The following PTPRD variants were observed in gnomAD, a reference collection of about 807,000 sequenced individuals.
The protein encoded by PTPRD is receptor-type tyrosine-protein phosphatase delta.
A neutral mutation model predicts 214.5 loss-of-function variants in PTPRD; 34 were observed. The ratio of observed to expected loss-of-function variants is 0.16; its 90% CI spans 0.12 to 0.21. PTPRD has a LOEUF of 0.21. Among genes scored for constraint, PTPRD ranks in the 10% least tolerant of loss-of-function variants. The pLI is 1.00. For synonymous variants in PTPRD, 1,128 were observed against 845.7 expected (o/e 1.33, Z -5.79); for missense variants, 2,545 against 2,398.7 (o/e 1.06, Z -1.27).
chr9:9,527,842 G>A lies in PTPRD; in HGVS notation c.-237+46890C>T, dbSNP rs116479038. 4.4e-3 allele frequency among the ~76,000 whole-genome samples: 673 copies of A among 152,184 alleles called. 4 individuals carry two copies. The highest frequency in any genetic ancestry group is 0.015 in the African/African-American group (640 of 41,540). On this transcript the variant is annotated intron_variant, in intron 8 of 45. Coordinates refer to ENST00000381196, the MANE Select transcript of PTPRD (RefSeq NM_002839.4). ...TGTTGCTAGATATTCTACCAACTCC[G>A]TAAACTCAGCATGTTAGATCAGAAA... is the stretch of plus-strand genomic sequence containing the variant.
intron 14 of PTPRD, among the ~76,000 whole-genome samples, chr9:8,582,136 A>T (rs1227837349): frequency 6.6e-6 from 1 of 152,130 alleles, no homozygotes; most frequent in Non-Finnish European, 1.5e-5. Context: ...TAAGTAGGGA[A>T]ATCTGCTATG....
In PTPRD at chr9:8,528,670, A is replaced by T. The variant is rs2139466040; in HGVS notation, c.462T>A (p.Asp154Glu). The T allele has an allele frequency of 1.2e-6, 2 of 1,613,742 alleles. No individual in the cohort carries two copies. Among genetic ancestry groups the T allele is most frequent in the Non-Finnish European group, 1.7e-6 (2 of 1,179,774 alleles). Residue 154 changes from aspartate (D) to glutamate (E), a missense_variant, in exon 15 of 46, where the codon GAT becomes GAA. Transcript: ENST00000381196. ...AATCTTTAAACCAAGTGATTTCTGG[A>T]TCCGGATTACCACTGGCTGCACAAA... Reference protein sequence around the residue: ...TMLCAASGNPDPEITWFKDFL... With the variant: ...TMLCAASGNPEPEITWFKDFL...
intron 8 of PTPRD, among the ~76,000 whole-genome samples, chr9:9,455,288 T>C (rs1466905156): frequency 6.6e-6 from 1 of 151,568 alleles, no homozygotes; most frequent in African/African-American, 2.4e-5. Context: ...TTTTTTAAAA[T>C]ATTAATTTTT....
chr9:8,548,159 A>G (rs1186156100), intron 14 of PTPRD, among the ~76,000 whole-genome samples: 1 of 152,196 alleles, frequency 6.6e-6, no homozygotes, highest in African/African-American at 2.4e-5. Flanking sequence ...GAAAAGTATA[A>G]TCTAAGGTCC....
intron 43 of PTPRD, among the ~76,000 whole-genome samples, chr9:8,337,916 C>T (rs999421274): frequency 6.6e-6 from 1 of 151,506 alleles, no homozygotes; most frequent in Non-Finnish European, 1.5e-5. Flanking sequence ...CACTCAAGAC[C>T]TAGAGATTTA....
At chr9:10,298,938 T>C (rs1430677865) in intron 3 of PTPRD, among the ~76,000 whole-genome samples, 1 of 152,074 alleles carries the variant, frequency 6.6e-6, no homozygotes, top group Non-Finnish European at 1.5e-5. Context: ...AGAAAGTACC[T>C]AGAAACTTTC....
intron 11 of PTPRD, among the ~76,000 whole-genome samples, chr9:8,925,799 T>C (rs549537055): frequency 4.9e-4 from 75 of 151,788 alleles, no homozygotes; most frequent in Middle Eastern, 3.4e-3. Flanking sequence ...ACTGCTGTAA[T>C]TAGTTCAAGG....
intron 18 of PTPRD, chr9:8,524,640 C>A (rs2097968725): frequency 6.4e-6 from 3 of 469,324 alleles, no homozygotes; most frequent in Non-Finnish European, 7.7e-6. Flanking sequence ...CAAACAAATG[C>A]AAAGCACAGT....
chr9:10,600,379 T>C (rs1476800239), intron 2 of PTPRD, among the ~76,000 whole-genome samples: 1 of 151,780 alleles, frequency 6.6e-6, no homozygotes, highest in Non-Finnish European at 1.5e-5. Flanking sequence ...TGTTGTACAA[T>C]GCGTGCCACA....
intron 22 of PTPRD, among the ~76,000 whole-genome samples, chr9:8,506,625 G>T (rs1171437820): frequency 6.6e-6 from 1 of 152,080 alleles, no homozygotes; most frequent in Non-Finnish European, 1.5e-5. Context: ...AATAAGAAAG[G>T]CTAGCTCCAG....
At chr9:9,363,636 G>A (rs1170081167) in intron 9 of PTPRD, among the ~76,000 whole-genome samples, 2 of 151,252 alleles carry the variant, frequency 1.3e-5, no homozygotes, top group African/African-American at 4.8e-5. Context: ...TTCTAGCTAA[G>A]TGGAAGTGGT....
At chr9:9,386,170 T>C (rs1255106155) in intron 9 of PTPRD, among the ~76,000 whole-genome samples, 5 of 152,124 alleles carry the variant, frequency 3.3e-5, no homozygotes, top group African/African-American at 1.2e-4. Flanking sequence ...GCGTCCAATA[T>C]ATGTTTCCAA....
intron 9 of PTPRD, among the ~76,000 whole-genome samples, chr9:9,340,388 T>G (rs1174171488): frequency 6.6e-6 from 1 of 152,218 alleles, no homozygotes; most frequent in African/African-American, 2.4e-5. Context: ...ATTTTGTGAC[T>G]ATTTAAATCT....
At chr9:9,749,627 C>A (rs3118010) in intron 6 of PTPRD, among the ~76,000 whole-genome samples, 79,875 of 152,078 alleles carry the variant, frequency 0.53, 24,164 homozygotes, top group African/African-American at 0.82. Context: ...GTACACACCA[C>A]AGGGTCAGTA....
At chr9:9,150,814 C>T (rs1238889282) in intron 10 of PTPRD, among the ~76,000 whole-genome samples, 1 of 152,096 alleles carries the variant, frequency 6.6e-6, no homozygotes, top group African/African-American at 2.4e-5. Flanking sequence ...GGCAAATATG[C>T]TATGACATAA....
chr9:8,462,133 C>T (rs942409222), intron 32 of PTPRD, among the ~76,000 whole-genome samples: 1 of 152,020 alleles, frequency 6.6e-6, no homozygotes, highest in Non-Finnish European at 1.5e-5. Flanking sequence ...GAGACCCCTA[C>T]ATATATGTTC....
intron 3 of PTPRD, among the ~76,000 whole-genome samples, chr9:10,189,614 A>G (rs896127869): frequency 2.6e-5 from 4 of 152,190 alleles, no homozygotes; most frequent in Non-Finnish European, 5.9e-5. Flanking sequence ...ATGTTCCACA[A>G]CATGCAGCAG....
chr9:9,426,060 G>A (rs1361298549), intron 8 of PTPRD, among the ~76,000 whole-genome samples: 4 of 152,194 alleles, frequency 2.6e-5, no homozygotes, highest in Non-Finnish European at 1.5e-5. Flanking sequence ...GGCAGTGGGT[G>A]CAGGACAGTG....
In PTPRD at chr9:9,945,152, C is replaced by A. The variant is rs990553589; in HGVS notation, c.-471-6542G>T. 2.6e-5 allele frequency among the ~76,000 whole-genome samples: 4 copies of A among 152,060 alleles called. No individual in the cohort carries two copies. The South Asian group carries it at 8.3e-4, about 32-fold the overall frequency. ...CCATTTTTCAGTTAAAGTTGATTAC[C>A]AAGATAGTGGCTTGGATGGGATTAT... On this transcript the variant is annotated intron_variant, in intron 4 of 45. Transcript: ENST00000381196.
Sources: gnomAD v4.1 joint callset for allele counts (sites outside exome capture counted in the v4.1 genomes callset) on GRCh38, gnomAD v4.1.1 for gene constraint, MANE v1.5 for transcripts, NCBI Gene and HGNC (gene_info 2026-07-23, HGNC 2026-07-21) for gene names.